Variants in FRMPD1 observed in about 807,000 individuals in gnomAD.
FRMPD1 encodes the protein FERM and PDZ domain-containing protein 1.
In FRMPD1, 76 loss-of-function variants were observed where a neutral mutation model predicts 117.8. That is an observed-to-expected ratio of 0.65 (90% confidence interval 0.54 to 0.78). The LOEUF (loss-of-function observed/expected upper bound fraction) is 0.78, where lower values mean the gene tolerates loss of function less well. FRMPD1 is among the 30% of genes least tolerant of loss of function. The probability of loss-of-function intolerance (pLI) is 0.00; values close to 1 mark genes in which losing one functional copy is unlikely to be tolerated. For missense variants in FRMPD1, 1,786 were observed against 1,964.5 expected (o/e 0.91, Z 1.72); for synonymous variants, 783 against 770.4 (o/e 1.02, Z -0.27).
At chr9:37,620,062 G>A in the FRMPD1 span, among the ~76,000 whole-genome samples, 2 of 152,118 alleles carry the variant, frequency 1.3e-5, no homozygotes, top group African/African-American at 2.4e-5. Flanking sequence ...GTAACAGAGG[G>A]TCACCGTGAT....
chr9:37,677,663 A>G (rs7859793), intron 1 of FRMPD1, among the ~76,000 whole-genome samples: 22,645 of 152,084 alleles, frequency 0.15, 2,246 homozygotes, highest in East Asian at 0.47. Flanking sequence ...TGCTGTTGAC[A>G]TGAAAGGTCA....
rs924358403 is a variant in FRMPD1, at chr9:37,651,108, C to T, written c.-5+14C>T. 3.3e-5 allele frequency: 5 copies of T among 152,374 alleles called. No individual in the cohort carries two copies. Among genetic ancestry groups the T allele is most frequent in the African/African-American group, 1.2e-4 (5 of 41,436 alleles). 9.4% of individuals were successfully genotyped at this position (152,374 alleles called of 1,614,324 possible). ...CCTCCTCTGCAGGTAAGGGAGGGGT[C>T]CTGGCACCGCAAAGTTTTGGGGAGA... On this transcript the variant is annotated intron_variant, in intron 1 of 15. Coordinates refer to ENST00000377765, the MANE Select transcript of FRMPD1 (RefSeq NM_014907.3).
the FRMPD1 span, among the ~76,000 whole-genome samples, chr9:37,608,354 ACTTT>A: frequency 6.6e-6 from 1 of 151,108 alleles, no homozygotes; most frequent in Admixed American, 6.6e-5. Flanking sequence ...GGCACTGCCT[ACTTT>A]CTTTCTTTCT....
Position 37,744,869 on chromosome 9 carries a change from T to C in FRMPD1, c.2837T>C (p.Phe946Ser), listed in dbSNP as rs771830291. ...GTGTCTTCTATTTCTGCCATTCGCT[T>C]CCGGATTGACCCCAACAATAAAGAG... Reference protein sequence around the residue: ...SRVSSISAIRFRIDPNNKENS... With the variant: ...SRVSSISAIRSRIDPNNKENS... Residue 946 changes from phenylalanine (F) to serine (S), a missense_variant, in exon 16 of 16, where the codon TTC (phenylalanine) becomes TCC (serine). By Grantham distance (155) the Phe-to-Ser change is radical. Coordinates refer to ENST00000377765, the MANE Select transcript of FRMPD1 (RefSeq NM_014907.3). 1 of 1,614,196 alleles carries C rather than the reference T, an allele frequency of 6.2e-7. No homozygotes were observed. Among genetic ancestry groups the C allele is most frequent in the Non-Finnish European group, 8.5e-7 (1 of 1,180,028 alleles).
chr9:37,686,255 T>C (rs1421874693), intron 1 of FRMPD1, among the ~76,000 whole-genome samples: 1 of 152,206 alleles, frequency 6.6e-6, no homozygotes, highest in Non-Finnish European at 1.5e-5. Context: ...TGATTTATTC[T>C]GGGCGGTGGT....
At chr9:37,631,056 GA>G in the FRMPD1 span, among the ~76,000 whole-genome samples, 1 of 152,168 alleles carries the variant, frequency 6.6e-6, no homozygotes, top group Non-Finnish European at 1.5e-5. Flanking sequence ...CAGAGGAAGG[GA>G]AAAATTAAGT....
intron 2 of FRMPD1, among the ~76,000 whole-genome samples, chr9:37,695,048 T>C (rs1003067771): frequency 1.3e-5 from 2 of 152,256 alleles, no homozygotes; most frequent in African/African-American, 4.8e-5. Flanking sequence ...GATAGATAGA[T>C]ATGTCTGTGA....
the FRMPD1 span, among the ~76,000 whole-genome samples, chr9:37,628,795 G>C: frequency 6.6e-6 from 1 of 152,130 alleles, no homozygotes; most frequent in Non-Finnish European, 1.5e-5. Flanking sequence ...TCCCTTCCTG[G>C]TGCTGCAGCG....
chr9:37,713,705 T>C (rs1822997429), intron 5 of FRMPD1, among the ~76,000 whole-genome samples: 1 of 152,108 alleles, frequency 6.6e-6, no homozygotes, highest in African/African-American at 2.4e-5. Context: ...ATATAGTTTG[T>C]GAAAAACATA....
chr9:37,745,110 C>T lies in FRMPD1; in HGVS notation c.3078C>T (p.Cys1026=), dbSNP rs1824631283. ...SSGDPNPDRA[C]LASNPGLNNV... is the part of the protein sequence containing the mutation. Reference sequence around the variant, plus strand: ...GTGACCCTAACCCAGACAGAGCCTGCCTGGCCAGCAACCCAGGACTAAATA... The same window carrying T: ...GTGACCCTAACCCAGACAGAGCCTGTCTGGCCAGCAACCCAGGACTAAATA... The change falls in exon 16 of 16, where the codon TGC becomes TGT. Residue 1026 remains cysteine, a synonymous_variant. Transcript: ENST00000377765. 1.2e-6 allele frequency: 2 copies of T among 1,613,646 alleles called. No homozygotes were observed. The highest frequency in any genetic ancestry group is 1.7e-6 in the Non-Finnish European group (2 of 1,179,678).
intron 1 of FRMPD1, among the ~76,000 whole-genome samples, chr9:37,690,475 A>G (rs1822093475): frequency 6.6e-6 from 1 of 152,072 alleles, no homozygotes; most frequent in Non-Finnish European, 1.5e-5. Flanking sequence ...TTTATAATGC[A>G]TGCTTTCCTT....
At chr9:37,641,062 A>G in the FRMPD1 span, among the ~76,000 whole-genome samples, 1 of 152,154 alleles carries the variant, frequency 6.6e-6, no homozygotes, top group South Asian at 2.1e-4. Flanking sequence ...TTGCTTTTGT[A>G]TTTTTTGTAG....
At chr9:37,732,699 G>A (rs1823945812) in intron 10 of FRMPD1, among the ~76,000 whole-genome samples, 1 of 152,254 alleles carries the variant, frequency 6.6e-6, no homozygotes, top group Non-Finnish European at 1.5e-5. Context: ...CTGGGAAGAT[G>A]TCTTGGGAAA....
the FRMPD1 span, among the ~76,000 whole-genome samples, chr9:37,619,281 C>A: frequency 6.6e-6 from 1 of 152,312 alleles, no homozygotes; most frequent in East Asian, 1.9e-4. Context: ...GTGATATTCA[C>A]AACCCGGGCC....
In FRMPD1 at chr9:37,740,206, C is replaced by T. The variant is rs1434425822; in HGVS notation, c.1678C>T (p.Pro560Ser). 6.2e-7 allele frequency: 1 copy of T among 1,614,048 alleles called. No individual in the cohort carries two copies. Among genetic ancestry groups the T allele is most frequent in the South Asian group, 1.1e-5 (1 of 91,086 alleles). The stretch of plus-strand genomic sequence containing the variant: ...ATCACTCATAAAGGAGGAGCAGCCT[C>T]CTGGGAACAGCCCCACACCTGAGGT... ...CRSLIKEEQP[P>S]GNSPTPEVAR... is the part of the protein sequence containing the mutation. The change falls in exon 15 of 16, where the codon CCT (proline) becomes TCT (serine). Residue 560 changes from proline to serine, a missense_variant. Pro to Ser is a moderately conservative substitution (Grantham distance 74). Transcript: ENST00000377765. The surrounding 1 kb of genome is among the most constrained non-coding windows in gnomAD (Gnocchi z 4.2).
upstream of FRMPD1, among the ~76,000 whole-genome samples, chr9:37,648,452 T>A (rs1443361644): frequency 6.6e-6 from 1 of 152,146 alleles, no homozygotes; most frequent in East Asian, 1.9e-4. Context: ...AATGGAGGTG[T>A]CTTCAGCAGG....
chr9:37,736,900 C>T (rs944976893), intron 13 of FRMPD1, among the ~76,000 whole-genome samples, 196 bp from the exon 14 acceptor site: 3 of 151,254 alleles, frequency 2.0e-5, no homozygotes, highest in South Asian at 2.1e-4. Context: ...CACACACACG[C>T]GATGGTGTCT....
intron 12 of FRMPD1, 151 bp downstream of exon 12, chr9:37,733,976 T>C (rs868302790): frequency 1.3e-5 from 8 of 621,062 alleles, no homozygotes; most frequent in Admixed American, 2.8e-5. Context: ...CTGGAAAATA[T>C]TTACCACGCG....
chr9:37,619,701 T>C, the FRMPD1 span, among the ~76,000 whole-genome samples: 2 of 150,562 alleles, frequency 1.3e-5, no homozygotes, highest in African/African-American at 4.9e-5. Context: ...GAGGTTGTGG[T>C]GAGCCGAGAT....
Sources: gnomAD v4.1 joint callset for allele counts (sites outside exome capture counted in the v4.1 genomes callset) on GRCh38, gnomAD v4.1.1 for gene constraint, Gnocchi (gnomAD v3.1) non-coding constraint, MANE v1.5 for transcripts, NCBI Gene and HGNC (gene_info 2026-07-23, HGNC 2026-07-21) for gene names.